Variants in DRG1 observed in about 807,000 individuals in gnomAD.
DRG1 encodes developmentally regulated GTP binding protein 1, also known as developmentally-regulated GTP-binding protein 1.
Under a neutral mutation model 38.8 loss-of-function variants are expected in DRG1, and 19 were observed. The observed-to-expected ratio is 0.49, with a 90% CI of 0.34 to 0.72. The LOEUF is 0.72. Ranked by LOEUF, DRG1 falls within the 30% of genes least tolerant of loss-of-function variation. The pLI, the probability that DRG1 is intolerant of heterozygous loss-of-function variation, is 0.01. For missense variants in DRG1, 299 were observed against 444.8 expected (o/e 0.67, Z 2.95); for synonymous variants, 167 against 157.5 (o/e 1.06, Z -0.45).
intron 4 of DRG1, among the ~76,000 whole-genome samples, chr22:31,413,553 A>G (rs1432879611): frequency 2.2e-5 from 3 of 133,938 alleles, no homozygotes; most frequent in Non-Finnish European, 4.8e-5. Flanking sequence ...TTTTTTTAGC[A>G]TCTTATTCTT....
At chr22:31,433,272 A>ATTTTTTTTTTTT (rs695603) in intron 8 of DRG1, among the ~76,000 whole-genome samples, 3 of 132,620 alleles carry the variant, frequency 2.3e-5, no homozygotes, top group African/African-American at 8.4e-5. Flanking sequence ...TTAAAGACGG[A>ATTTTTTTTTTTT]TTTTTTTTTT....
chr22:31,427,916 T>C (rs1332777432), intron 8 of DRG1, among the ~76,000 whole-genome samples: 1 of 152,104 alleles, frequency 6.6e-6, no homozygotes, highest in African/African-American at 2.4e-5. Context: ...TTTGTATTTT[T>C]AGTAGAAACG....
intron 3 of DRG1, among the ~76,000 whole-genome samples, chr22:31,409,732 T>C (rs1470648936): frequency 1.3e-5 from 2 of 152,020 alleles, no homozygotes; most frequent in Non-Finnish European, 2.9e-5. Context: ...GGTGGCTCAC[T>C]CCTGTAATCC....
intron 8 of DRG1, among the ~76,000 whole-genome samples, chr22:31,431,035 C>CCCCCCTTT (rs2050136481): frequency 1.8e-5 from 1 of 56,764 alleles, no homozygotes; most frequent in Admixed American, 2.4e-4. Context: ...CCCCCCCCCG[C>CCCCCCTTT]TTTTTTTTTT....
At chr22:31,401,952 G>A (rs1010770362) in intron 2 of DRG1, among the ~76,000 whole-genome samples, 4 of 151,956 alleles carry the variant, frequency 2.6e-5, no homozygotes, top group African/African-American at 9.7e-5. Context: ...TCAGGAGGCC[G>A]AGGCAGGAGA....
intron 2 of DRG1, 89 bp downstream of exon 2, chr22:31,400,832 C>A: frequency 6.9e-7 from 1 of 1,446,010 alleles, no homozygotes; most frequent in Non-Finnish European, 9.3e-7. Flanking sequence ...CTAAAGATGG[C>A]CCAGTGCAGT....
intron 8 of DRG1, among the ~76,000 whole-genome samples, chr22:31,431,245 A>T (rs2050137817): frequency 6.6e-6 from 1 of 151,942 alleles, no homozygotes; most frequent in Non-Finnish European, 1.5e-5. Context: ...CATGTTAGCC[A>T]GGATGGTCTC....
intron 8 of DRG1, among the ~76,000 whole-genome samples, chr22:31,428,316 A>C (rs2050121867): frequency 6.6e-6 from 1 of 151,466 alleles, no homozygotes; most frequent in Non-Finnish European, 1.5e-5. Context: ...GGTTCATGCC[A>C]TTCTCCTGCC....
chr22:31,401,605 A>T (rs2145856854), intron 2 of DRG1, among the ~76,000 whole-genome samples: 1 of 150,292 alleles, frequency 6.7e-6, no homozygotes, highest in Non-Finnish European at 1.5e-5. Context: ...AAAAAAAAAA[A>T]AGTATCCTAG....
chr22:31,407,476 T>C (rs554426219), intron 3 of DRG1, among the ~76,000 whole-genome samples: 5 of 152,018 alleles, frequency 3.3e-5, no homozygotes, highest in South Asian at 2.1e-4. Context: ...GCTGGGACTA[T>C]AGGCATGCAC....
In DRG1 at chr22:31,400,692, C is replaced by G; in HGVS notation, c.115C>G (p.Arg39Gly). ...GLLKARLAKLRRELITPKGGG... is the reference protein window; with the variant it reads ...GLLKARLAKLGRELITPKGGG... ...GCTTAAGGCTCGTCTTGCTAAGCTT[C>G]GTCGAGAACTCATTACTCCAAAGGG... Residue 39 changes from arginine to glycine, a missense_variant, in exon 2 of 9, where the codon CGT becomes GGT. Around this residue, in one of 3 missense-constraint regions of DRG1, gnomAD observed 51 missense variants for 56.1 expected, o/e 0.91. Transcript: ENST00000331457. 1 of 1,613,418 alleles carries G rather than the reference C, an allele frequency of 6.2e-7. No individual in the cohort carries two copies. The highest frequency in any genetic ancestry group is 8.5e-7 in the Non-Finnish European group (1 of 1,179,604).
At chr22:31,428,570 A>T (rs926638806) in intron 8 of DRG1, among the ~76,000 whole-genome samples, 28 of 152,204 alleles carry the variant, frequency 1.8e-4, no homozygotes, top group African/African-American at 6.8e-4. Context: ...CATTACTATA[A>T]AATTATCAAA....
chr22:31,412,166 C>T (rs546920813), intron 4 of DRG1, among the ~76,000 whole-genome samples: 1 of 150,082 alleles, frequency 6.7e-6, no homozygotes, highest in Admixed American at 6.7e-5. Flanking sequence ...TGGTGGTGGG[C>T]GCCTGTAGTC....
chr22:31,400,470 T>G, intron 1 of DRG1, 150 bp from the exon 2 acceptor site: 1 of 917,950 alleles, frequency 1.1e-6, no homozygotes, highest in Non-Finnish European at 1.6e-6. Flanking sequence ...GGAAATGAGC[T>G]GGATGGAGGA....
At chr22:31,399,825 T>G in intron 1 of DRG1, 100 bp downstream of exon 1, 1 of 1,559,010 alleles carries the variant, frequency 6.4e-7, no homozygotes, top group Non-Finnish European at 8.8e-7. Context: ...GGACCGGGCC[T>G]AGATTCCGCG....
intron 6 of DRG1, among the ~76,000 whole-genome samples, chr22:31,425,105 T>G (rs1388429304): frequency 6.6e-6 from 1 of 152,142 alleles, no homozygotes; most frequent in Non-Finnish European, 1.5e-5. Context: ...GGCTTTGGTT[T>G]CTTTAGGGGT....
intron 5 of DRG1, chr22:31,421,279 A>ATTTTTTTTTTTT: frequency 8.4e-6 from 1 of 119,582 alleles, no homozygotes; most frequent in Non-Finnish European, 1.7e-5. Context: ...GGCTTGGCTA[A>ATTTTTTTTTTTT]TTTTTTTTTT....
chr22:31,400,064 A>G (rs2049952327), intron 1 of DRG1, among the ~76,000 whole-genome samples: 1 of 151,934 alleles, frequency 6.6e-6, no homozygotes, highest in Admixed American at 6.6e-5. Context: ...TCTGAGAAAC[A>G]CTGAATCCTG....
At chr22:31,431,005 A>C (rs2145872708) in intron 8 of DRG1, among the ~76,000 whole-genome samples, 5 of 124,376 alleles carry the variant, frequency 4.0e-5, no homozygotes, top group South Asian at 2.7e-4. Flanking sequence ...GACACTAGCC[A>C]CTGCACCCGG....
Sources: gnomAD v4.1 joint callset for allele counts (sites outside exome capture counted in the v4.1 genomes callset) on GRCh38, gnomAD v4.1.1 for gene constraint, gnomAD v4.1.1 regional missense constraint, MANE v1.5 for transcripts, NCBI Gene and HGNC (gene_info 2026-07-23, HGNC 2026-07-21) for gene names.